The following MMP1 variants were observed in gnomAD, a reference collection of about 807,000 sequenced individuals.
MMP1 encodes the protein interstitial collagenase.
Under a neutral mutation model 49.6 loss-of-function variants are expected in MMP1, and 51 were observed. The observed-to-expected ratio is 1.03, with a 90% confidence interval of 0.82 to 1.30. MMP1 has a LOEUF of 1.30. Ranked by LOEUF, MMP1 falls within the 50% of genes most tolerant of loss-of-function variation. MMP1 has a pLI of 0.00. For synonymous variants in MMP1, 230 were observed against 196.8 expected (o/e 1.17, Z -1.41); for missense variants, 623 against 568.7 (o/e 1.10, Z -0.97).
At chr11:102,796,985 G>C in intron 3 of MMP1, 29 bp downstream of exon 3, 1 of 1,590,790 alleles carries the variant, frequency 6.3e-7, no homozygotes. Context: ...GGGGCAAGGT[G>C]AGGTTAAGGT....
In MMP1 at chr11:102,795,391, T is replaced by C. The variant is rs41524845; in HGVS notation, c.781+61A>G. The C allele has an allele frequency of 1.2e-3, 1,891 of 1,604,556 alleles. 21 individuals carry two copies. In the African/African-American group the frequency reaches 0.021, roughly 18 times the overall value. The stretch of plus-strand genomic sequence containing the variant: ...TCAAGGATATCGCTAATGGCTGTTT[T>C]ATTTGAAATACATATAAAGACCACC... On this transcript the variant is annotated intron_variant, in intron 5 of 9. Transcript: ENST00000315274.
intron 5 of MMP1, 68 bp downstream of exon 5, chr11:102,795,384 G>A: frequency 1.2e-6 from 2 of 1,601,994 alleles, no homozygotes; most frequent in East Asian, 2.2e-5. Flanking sequence ...ATCGCTAATG[G>A]CTGTTTTATT....
intron 5 of MMP1, 80 bp from the exon 6 acceptor site, chr11:102,795,371 G>A: frequency 6.2e-7 from 1 of 1,602,610 alleles, no homozygotes; most frequent in Non-Finnish European, 8.5e-7. Context: ...CTTCTTCAAG[G>A]ATATCGCTAA....
rs1411115067 is a variant in MMP1 at position 102,797,026 on chromosome 11, A to T, written c.487T>A (p.Phe163Ile). 1.7e-5 allele frequency: 28 copies of T among 1,613,144 alleles called. No individual in the cohort carries two copies. Among genetic ancestry groups the T allele is most frequent in the East Asian group, 1.1e-4 (5 of 44,848 alleles). ...AAGAAGAACTTACCTCCCCTGACAA[A>T]AGATATCATGATGTCTGCTTGACCC... ...SEGQADIMISFVRGDHRDNSP... is the reference protein window; with the variant it reads ...SEGQADIMISIVRGDHRDNSP... The change falls in exon 3 of 10, where the codon TTT (phenylalanine) becomes ATT (isoleucine). Residue 163 changes from phenylalanine to isoleucine, a missense_variant. By Grantham distance (21) the Phe-to-Ile change is conservative. Coordinates refer to ENST00000315274, the MANE Select transcript of MMP1 (RefSeq NM_002421.4).
chr11:102,793,661 C>A (rs1336465678), intron 6 of MMP1, among the ~76,000 whole-genome samples: 3 of 152,278 alleles, frequency 2.0e-5, no homozygotes, highest in African/African-American at 2.4e-5. Flanking sequence ...GTTGGGGAGA[C>A]TAAGGGAGGT....
chr11:102,792,309 C>A (rs1858052093), intron 7 of MMP1, among the ~76,000 whole-genome samples: 1 of 152,122 alleles, frequency 6.6e-6, no homozygotes, highest in Non-Finnish European at 1.5e-5. Context: ...TGAGTACTCC[C>A]AGGAATATGG....
Position 102,791,380 on chromosome 11 carries a change from C to G in MMP1, c.1149G>C (p.Glu383Asp). The G allele has an allele frequency of 6.2e-7, 1 of 1,614,026 alleles. No homozygotes were observed. The highest frequency in any genetic ancestry group is 8.5e-7 in the Non-Finnish European group (1 of 1,179,896). ...TVKHIDAALS[E>D]ENTGKTYFFV... is the part of the protein sequence containing the mutation. ...AGAAGTAGGTTTTTCCAGTGTTTTC[C>G]TCAGAAAGAGCAGCATCGATATGCT... The change falls in exon 8 of 10, where the codon GAG becomes GAC. Residue 383 changes from glutamate (E) to aspartate (D), a missense_variant. By Grantham distance (45) the Glu-to-Asp change is conservative (BLOSUM62 2). Transcript: ENST00000315274.
intron 6 of MMP1, 125 bp from the exon 7 acceptor site, chr11:102,792,863 C>T (rs1858072907): frequency 2.3e-6 from 2 of 855,038 alleles, no homozygotes; most frequent in East Asian, 2.6e-5. Flanking sequence ...ACATTCAGCT[C>T]TCCAAAGAAG....
Position 102,798,048 on chromosome 11 carries a change from C to A in MMP1, c.45G>T (p.Val15=). 6.2e-7 allele frequency: 1 copy of A among 1,613,366 alleles called. No individual in the cohort carries two copies. Among genetic ancestry groups the A allele is most frequent in the Non-Finnish European group, 8.5e-7 (1 of 1,179,950 alleles). The change falls in exon 1 of 10, where the codon GTG becomes GTT. Residue 15 remains valine (V), a synonymous_variant. Transcript: ENST00000315274. Reference sequence around the variant, plus strand: ...GAGTCGCTGGGAAGCTGTGAGACACCACACCCCAGAACAGCAGCAGCAGCA... The same window carrying A: ...GAGTCGCTGGGAAGCTGTGAGACACAACACCCCAGAACAGCAGCAGCAGCA... ...PPLLLLLFWG[V]VSHSFPATLE...
In MMP1 at chr11:102,791,348, G is replaced by A. The variant is rs1228031831; in HGVS notation, c.1181C>T (p.Ala394Val). 6.2e-7 allele frequency: 1 copy of A among 1,613,906 alleles called. No homozygotes were observed. The highest frequency in any genetic ancestry group is 1.7e-5 in the Admixed American group (1 of 60,020). ...ENTGKTYFFV[A>V]NKYWRYDEYK... is the part of the protein sequence containing the mutation. ...TTAAACTTACCTCCAGTATTTGTTA[G>A]CAACAAAGAAGTAGGTTTTTCCAGT... is the stretch of plus-strand genomic sequence containing the variant. The change falls in exon 8 of 10, where the codon GCT becomes GTT. Residue 394 changes from alanine (A) to valine (V), a missense_variant. Ala to Val is a moderately conservative substitution (Grantham distance 64, BLOSUM62 0). Transcript: ENST00000315274.
chr11:102,796,977 G>A lies in MMP1; in HGVS notation c.499+37C>T, dbSNP rs767270217. On this transcript the variant is annotated intron_variant, in intron 3 of 9. Transcript: ENST00000315274. ...CAGTTGCAAAGCTACGAGATCTAGG[G>A]GCAAGGTGAGGTTAAGGTGCTATAA... The A allele has an allele frequency of 6.3e-6, 10 of 1,586,882 alleles. No homozygotes were observed. The Middle Eastern group carries it at 8.4e-4, about 133-fold the overall frequency.
At position 102,794,576 on chromosome 11, in the gene MMP1, A is replaced by G. The variant is rs1315650912; in HGVS notation, c.899+598T>C. Among the ~76,000 whole-genome samples, 1 of 152,180 alleles carries G rather than the reference A, an allele frequency of 6.6e-6. No individual in the cohort carries two copies. Among genetic ancestry groups the G allele is most frequent in the Non-Finnish European group, 1.5e-5 (1 of 68,032 alleles). On this transcript the variant is annotated intron_variant, in intron 6 of 9. Transcript: ENST00000315274. This position sits in a 1 kb window ranked among gnomAD's most constrained non-coding sequence, Gnocchi z 4.3. Reference sequence around the variant, plus strand: ...CCCTATCTGTCCCAGGAGGGATTTCATCAGTTCTTGGGGACTTTCCCAGCA... The same window carrying G: ...CCCTATCTGTCCCAGGAGGGATTTCGTCAGTTCTTGGGGACTTTCCCAGCA...
Position 102,794,788 on chromosome 11 carries a change from A to G in MMP1, c.899+386T>C, listed in dbSNP as rs1380788228. On this transcript the variant is annotated intron_variant, in intron 6 of 9. Coordinates refer to ENST00000315274, the MANE Select transcript of MMP1 (RefSeq NM_002421.4). This position sits in a 1 kb window ranked among gnomAD's most constrained non-coding sequence, Gnocchi z 4.3. Reference sequence around the variant, plus strand: ...CTTTCTCCTAAGAAAGTCCAATGATACTTATCACCATAAAGAGTGGCATAA... The same window carrying G: ...CTTTCTCCTAAGAAAGTCCAATGATGCTTATCACCATAAAGAGTGGCATAA... 6.6e-6 allele frequency among the ~76,000 whole-genome samples: 1 copy of G among 152,224 alleles called. No individual in the cohort carries two copies. The highest frequency in any genetic ancestry group is 2.4e-5 in the African/African-American group (1 of 41,454).
intron 2 of MMP1, 24 bp downstream of exon 2, chr11:102,797,232 C>A (rs1858220230): frequency 3.1e-6 from 5 of 1,613,772 alleles, no homozygotes; most frequent in Non-Finnish European, 4.2e-6. Context: ...ATAGCTCTCT[C>A]ACTCTGGCCC....
At chr11:102,797,225 G>C in intron 2 of MMP1, 31 bp downstream of exon 2, 1 of 1,613,692 alleles carries the variant, frequency 6.2e-7, no homozygotes, top group Middle Eastern at 1.7e-4. Context: ...ATGGGAAATA[G>C]CTCTCTCACT....
rs1165637899 is a variant in MMP1, at chr11:102,790,500, C to G, written c.1322G>C (p.Gly441Ala). The change falls in exon 10 of 10, where the codon GGA becomes GCA. Residue 441 changes from glycine (G) to alanine (A), a missense_variant. Transcript: ENST00000315274. ...AGGATCAAATTTGTATTGTCTTGTT[C>G]CATGAAAGAAATAGAAAAATCCTAG... ...MKDGFFYFFHGTRQYKFDPKT... is the reference protein window; with the variant it reads ...MKDGFFYFFHATRQYKFDPKT... 3 of 1,602,358 alleles carry G rather than the reference C, an allele frequency of 1.9e-6. No individual in the cohort carries two copies. The African/African-American group carries it at 4.0e-5, about 22-fold the overall frequency.
chr11:102,793,531 T>C (rs1489299614), intron 6 of MMP1, among the ~76,000 whole-genome samples: 1 of 152,194 alleles, frequency 6.6e-6, no homozygotes. Context: ...CATTACCAAC[T>C]GGACCATGAC....
At position 102,798,050 on chromosome 11, in the gene MMP1, C is replaced by G. The variant is rs774851595; in HGVS notation, c.43G>C (p.Val15Leu). 12 of 1,613,320 alleles carry G rather than the reference C, an allele frequency of 7.4e-6. No homozygotes were observed. The South Asian group carries it at 9.9e-5, about 13-fold the overall frequency. The change falls in exon 1 of 10, where the codon GTG (valine) becomes CTG (leucine). Residue 15 changes from valine (V) to leucine (L), a missense_variant. Transcript: ENST00000315274. ...PPLLLLLFWGVVSHSFPATLE... is the reference protein window; with the variant it reads ...PPLLLLLFWGLVSHSFPATLE... Reference sequence around the variant, plus strand: ...GTCGCTGGGAAGCTGTGAGACACCACACCCCAGAACAGCAGCAGCAGCAGT... The same window carrying G: ...GTCGCTGGGAAGCTGTGAGACACCAGACCCCAGAACAGCAGCAGCAGCAGT...
chr11:102,797,207 C>T, intron 2 of MMP1, 45 bp from the exon 3 acceptor site: 6 of 1,613,468 alleles, frequency 3.7e-6, no homozygotes, highest in Non-Finnish European at 5.1e-6. Flanking sequence ...TGACTTCTTA[C>T]CACTGTCATG....
Sources: allele counts gnomAD v4.1 joint callset (sites outside exome capture counted in the v4.1 genomes callset), GRCh38; gene constraint gnomAD v4.1.1; non-coding constraint Gnocchi (gnomAD v3.1); transcripts MANE v1.5; gene names NCBI Gene and HGNC (gene_info 2026-07-23, HGNC 2026-07-21).